TERB1: variants seen among roughly 807,000 people sequenced by gnomAD.
The protein encoded by TERB1 is telomere repeats-binding bouquet formation protein 1.
Under a neutral mutation model 92.3 loss-of-function variants are expected in TERB1, and 63 were observed. The ratio of observed to expected loss-of-function variants is 0.68; its 90% CI spans 0.56 to 0.84. The LOEUF is 0.84. Ranked by LOEUF, TERB1 falls within the 40% of genes least tolerant of loss-of-function variation. TERB1 has a pLI of 0.00. For synonymous variants in TERB1, 252 were observed against 283.9 expected, an observed-to-expected ratio of 0.89 and a Z score of 1.13; for missense variants, 709 against 843.7, an observed-to-expected ratio of 0.84 and a Z score of 1.98.
At chr16:66,801,921 CTG>C (rs983171171), upstream of TERB1, among the ~76,000 whole-genome samples, 3 of 152,226 alleles carry the variant, frequency 2.0e-5, no homozygotes, top group Non-Finnish European at 2.9e-5. Flanking sequence ...GGCATCTGTG[CTG>C]TGTGTTCTCC....
At chr16:66,779,133 A>G in intron 9 of TERB1, 118 bp from the exon 10 acceptor site, 1 of 698,224 alleles carries the variant, frequency 1.4e-6, no homozygotes, top group South Asian at 4.3e-5. Flanking sequence ...TAAAAATCCC[A>G]AAATTAAAGA....
chr16:66,766,831 G>C (rs957920060), intron 16 of TERB1, among the ~76,000 whole-genome samples: 1 of 152,070 alleles, frequency 6.6e-6, no homozygotes, highest in Non-Finnish European at 1.5e-5. Context: ...TTTAATTATA[G>C]AGACAAGGTC....
intron 15 of TERB1, 134 bp downstream of exon 15, chr16:66,767,970 T>G (rs2018378230): frequency 1.5e-6 from 1 of 682,532 alleles, no homozygotes; most frequent in Admixed American, 2.6e-5. Context: ...TCAGCTGATC[T>G]GCCCACCTAG....
intron 16 of TERB1, 77 bp downstream of exon 16, chr16:66,767,338 C>CAAA (rs34069156): frequency 2.8e-4 from 192 of 695,088 alleles, no homozygotes; most frequent in Non-Finnish European, 3.6e-4. Context: ...GACTCTGTAT[C>CAAA]AAAAAAAAAA....
chr16:66,785,334 T>C (rs1021600423), intron 9 of TERB1, among the ~76,000 whole-genome samples: 1 of 152,180 alleles, frequency 6.6e-6, no homozygotes, highest in African/African-American at 2.4e-5. Flanking sequence ...TGAGCCACCA[T>C]GCCTGGCCTA....
chr16:66,756,123 T>C (rs2018133946), intron 18 of TERB1, among the ~76,000 whole-genome samples: 1 of 152,122 alleles, frequency 6.6e-6, no homozygotes, highest in African/African-American at 2.4e-5. Flanking sequence ...TTTTCATTCA[T>C]TATTATCTCA....
In TERB1 at chr16:66,800,982, G is replaced by A. The variant is rs909509522; in HGVS notation, c.-38C>T. ...TCAGCCTGCGGCCCGCTCACCTACA[G>A]AGTTGGATGAATTCCTTGTGCAGAG... On this transcript the variant is annotated 5_prime_UTR_variant, in exon 2 of 19. Coordinates refer to ENST00000433154, the MANE Select transcript of TERB1 (RefSeq NM_001136505.2). 1 of 152,416 alleles carries A rather than the reference G, an allele frequency of 6.6e-6. No homozygotes were observed. The highest frequency in any genetic ancestry group is 2.4e-5 in the African/African-American group (1 of 41,456). The allele number at this position is 152,416 out of a possible 1,614,324, so 9.4% of individuals were successfully genotyped here.
chr16:66,757,063 G>A (rs971945848), intron 18 of TERB1, among the ~76,000 whole-genome samples: 2 of 152,064 alleles, frequency 1.3e-5, no homozygotes, highest in East Asian at 3.9e-4. Context: ...GAACGGTGGT[G>A]AGTATCCTAA....
intron 16 of TERB1, among the ~76,000 whole-genome samples, chr16:66,761,242 A>G (rs2018241972): frequency 6.6e-6 from 1 of 151,402 alleles, no homozygotes; most frequent in African/African-American, 2.4e-5. Context: ...ACTTGAGGTC[A>G]GGAGTTCAAG....
intron 14 of TERB1, among the ~76,000 whole-genome samples, chr16:66,769,527 C>A (rs185244185): frequency 6.6e-6 from 1 of 152,166 alleles, no homozygotes; most frequent in African/African-American, 2.4e-5. Flanking sequence ...AACAAAAGGG[C>A]AAACCCAAAC....
intron 16 of TERB1, among the ~76,000 whole-genome samples, chr16:66,764,896 G>T (rs2018312666): frequency 6.6e-6 from 1 of 152,134 alleles, no homozygotes; most frequent in African/African-American, 2.4e-5. Context: ...TATGTGCTGA[G>T]AACTACTGGA....
At chr16:66,755,198 C>T in intron 18 of TERB1, 35 bp from the exon 19 acceptor site, 1 of 1,333,024 alleles carries the variant, frequency 7.5e-7, no homozygotes, top group Non-Finnish European at 1.0e-6. Context: ...TTAGTATTTG[C>T]TGAACAAAGG....
At chr16:66,769,074 C>A (rs2018398565) in intron 14 of TERB1, among the ~76,000 whole-genome samples, 1 of 150,950 alleles carries the variant, frequency 6.6e-6, no homozygotes, top group South Asian at 2.1e-4. Context: ...CATTGCACTC[C>A]AGCCTGGGCA....
chr16:66,768,173 A>AAGAAAAT lies in TERB1; in HGVS notation c.1620-12_1620-6dup. The AAGAAAAT allele has an allele frequency of 6.5e-7, 1 of 1,540,712 alleles. No individual in the cohort carries two copies. The highest frequency in any genetic ancestry group is 8.8e-7 in the Non-Finnish European group (1 of 1,137,140). ...GGGTGTTTAAAAACATGGTCACTAA[A>AAGAAAAT]AGAAAATAGACACCAGATTACTAAA... On this transcript the variant is annotated splice_polypyrimidine_tract_variant and splice_region_variant and intron_variant, in intron 14 of 18. Transcript: ENST00000433154.
chr16:66,794,912 A>ACACACACACACACAC lies in TERB1; in HGVS notation c.31+1855_31+1856insGTGTGTGTGTGTGTG, dbSNP rs1252457237. Reference sequence around the variant, plus strand: ...GCGACAGAGTGAGACTCCGTCTCAAAAAAAAAAAAAACACACACACACACA... The same window carrying ACACACACACACACAC: ...GCGACAGAGTGAGACTCCGTCTCAAACACACACACACACACAAAAAAAAAAACACACACACACACA... On this transcript the variant is annotated intron_variant, in intron 3 of 18. Transcript: ENST00000433154. Among the ~76,000 whole-genome samples the ACACACACACACACAC allele has an allele frequency of 1.4e-4, 10 of 71,898 alleles. 1 individual carries two copies. Among genetic ancestry groups the ACACACACACACACAC allele is most frequent in the African/African-American group, 3.5e-4 (10 of 28,948 alleles). The allele number at this position is 71,898 out of a possible 152,430, so 47.2% of individuals were successfully genotyped here. A position where few individuals can be genotyped will look rare whatever the true frequency, so the allele number is the denominator to read the frequency against.
chr16:66,794,242 C>T (rs1242181090), intron 3 of TERB1, among the ~76,000 whole-genome samples: 1 of 151,630 alleles, frequency 6.6e-6, no homozygotes, highest in South Asian at 2.1e-4. Flanking sequence ...CGGGAATACA[C>T]GCACATGCCA....
At chr16:66,755,187 A>T in intron 18 of TERB1, 24 bp from the exon 19 acceptor site, 1 of 1,405,176 alleles carries the variant, frequency 7.1e-7, no homozygotes, top group South Asian at 1.3e-5. Context: ...TGTAGAATAT[A>T]TTAGTATTTG....
chr16:66,786,152 A>G, intron 7 of TERB1, 23 bp from the exon 8 acceptor site: 4 of 1,536,622 alleles, frequency 2.6e-6, no homozygotes, highest in Non-Finnish European at 3.5e-6. Flanking sequence ...AAAGAAAAGA[A>G]AGTAAATTAA....
At chr16:66,776,673 G>T (rs555618027) in intron 11 of TERB1, among the ~76,000 whole-genome samples, 2 of 152,048 alleles carry the variant, frequency 1.3e-5, no homozygotes, top group East Asian at 3.9e-4. Context: ...TGGTAAGAAG[G>T]AGTAGATTGA....
Sources: allele counts gnomAD v4.1 joint callset (sites outside exome capture counted in the v4.1 genomes callset), GRCh38; gene constraint gnomAD v4.1.1; transcripts MANE v1.5; gene names NCBI Gene and HGNC (gene_info 2026-07-23, HGNC 2026-07-21).